GRM1: variants seen among roughly 807,000 people sequenced by gnomAD.
GRM1 encodes the protein glutamate metabotropic receptor 1, also known as metabotropic glutamate receptor 1.
Under a neutral mutation model 90.9 loss-of-function variants are expected in GRM1, and 33 were observed. The ratio of observed to expected loss-of-function variants is 0.36; its 90% CI spans 0.28 to 0.49. The LOEUF (loss-of-function observed/expected upper bound fraction) is 0.49. GRM1 is among the 20% of genes least tolerant of loss of function. The pLI, the probability that GRM1 is intolerant of heterozygous loss-of-function variation, is 0.99. For missense variants in GRM1, 1,190 were observed against 1,534.3 expected (o/e 0.78, Z 3.75); for synonymous variants, 700 against 613.2 (o/e 1.14, Z -2.09).
intron 1 of GRM1, among the ~76,000 whole-genome samples, chr6:146,061,360 G>C (rs1328505927): frequency 6.6e-6 from 1 of 152,076 alleles, no homozygotes; most frequent in Non-Finnish European, 1.5e-5. Context: ...CCTTCAATTT[G>C]TAAAAATGCA....
chr6:146,170,231 CT>C (rs1778061083), intron 2 of GRM1, among the ~76,000 whole-genome samples: 1 of 151,914 alleles, frequency 6.6e-6, no homozygotes, highest in Non-Finnish European at 1.5e-5. Context: ...ACCATTTTTA[CT>C]ATGCTGAGCC....
At chr6:146,077,216 C>T (rs1346391345) in intron 1 of GRM1, among the ~76,000 whole-genome samples, 19 of 152,144 alleles carry the variant, frequency 1.2e-4, no homozygotes, top group Non-Finnish European at 1.6e-4. Flanking sequence ...ACTTGAAGAC[C>T]ACTGTGAATT....
intron 1 of GRM1, among the ~76,000 whole-genome samples, chr6:146,129,862 C>G (rs561625413): frequency 6.6e-6 from 1 of 152,176 alleles, no homozygotes; most frequent in South Asian, 2.1e-4. Flanking sequence ...ATGGTGTGTC[C>G]TGAGCCTGGA....
At chr6:146,065,433 G>A (rs1775812977) in intron 1 of GRM1, among the ~76,000 whole-genome samples, 1 of 152,118 alleles carries the variant, frequency 6.6e-6, no homozygotes, top group African/African-American at 2.4e-5. Flanking sequence ...GAACTTCTCT[G>A]TGCTTCCGTT....
intron 2 of GRM1, among the ~76,000 whole-genome samples, chr6:146,179,275 A>G (rs778310210): frequency 2.0e-5 from 3 of 152,192 alleles, no homozygotes; most frequent in Admixed American, 6.5e-5. Context: ...CCCCCGCTGG[A>G]AAAGATAAAG....
chr6:146,154,584 G>C (rs1287248627), intron 1 of GRM1, among the ~76,000 whole-genome samples: 1 of 152,122 alleles, frequency 6.6e-6, no homozygotes, highest in Non-Finnish European at 1.5e-5. Context: ...ATCATTTAAT[G>C]TTATGAAAAA....
intron 3 of GRM1, among the ~76,000 whole-genome samples, chr6:146,349,845 T>C (rs1386060907): frequency 6.6e-6 from 1 of 152,214 alleles, no homozygotes; most frequent in Non-Finnish European, 1.5e-5. Flanking sequence ...TATATACATA[T>C]GTATACATCT....
intron 7 of GRM1, among the ~76,000 whole-genome samples, chr6:146,418,454 A>G (rs12190176): frequency 0.27 from 40,515 of 151,610 alleles, 6,548 homozygotes; most frequent in Non-Finnish European, 0.36. Flanking sequence ...AATATTAATT[A>G]CTTCCAATTA....
intron 2 of GRM1, among the ~76,000 whole-genome samples, chr6:146,300,186 A>T (rs968162309): frequency 2.0e-4 from 31 of 152,220 alleles, no homozygotes; most frequent in Non-Finnish European, 4.3e-4. Flanking sequence ...TAACACAAAT[A>T]AAATTGCTTT....
intron 3 of GRM1, among the ~76,000 whole-genome samples, chr6:146,324,438 A>G (rs1349750579): frequency 6.6e-6 from 1 of 152,018 alleles, no homozygotes; most frequent in Non-Finnish European, 1.5e-5. Flanking sequence ...TCCACTGGGG[A>G]AAAAAAATAA....
intron 4 of GRM1, among the ~76,000 whole-genome samples, chr6:146,356,795 A>G (rs2115052155): frequency 6.6e-6 from 1 of 152,276 alleles, no homozygotes; most frequent in African/African-American, 2.4e-5. Context: ...GTCCTATACC[A>G]TATACATATA....
chr6:146,050,854 G>T (rs1791499164), intron 1 of GRM1, among the ~76,000 whole-genome samples: 2 of 152,006 alleles, frequency 1.3e-5, no homozygotes, highest in South Asian at 4.1e-4. Context: ...AGGCTCATTT[G>T]ATTGGACCAA....
At chr6:146,402,299 C>T (rs77469093) in intron 7 of GRM1, among the ~76,000 whole-genome samples, 1,614 of 152,242 alleles carry the variant, frequency 0.011, 35 homozygotes, top group African/African-American at 0.037. Flanking sequence ...TAACCTTCTA[C>T]GGAAAACAAT....
intron 7 of GRM1, among the ~76,000 whole-genome samples, chr6:146,406,008 A>G (rs912036980): frequency 1.1e-4 from 16 of 152,234 alleles, no homozygotes; most frequent in Admixed American, 8.5e-4. Flanking sequence ...GGAGTTTGGC[A>G]TTAAAAGAAG....
At chr6:146,413,616 C>A (rs1358920082) in intron 7 of GRM1, among the ~76,000 whole-genome samples, 1 of 152,074 alleles carries the variant, frequency 6.6e-6, no homozygotes, top group African/African-American at 2.4e-5. Flanking sequence ...ATATTAATGA[C>A]AGTTTGATAT....
intron 4 of GRM1, among the ~76,000 whole-genome samples, chr6:146,354,996 G>A (rs541436801): frequency 6.6e-6 from 1 of 152,142 alleles, no homozygotes; most frequent in South Asian, 2.1e-4. Flanking sequence ...TGCTAATGAA[G>A]TGTGAACTGA....
intron 2 of GRM1, among the ~76,000 whole-genome samples, chr6:146,199,816 G>A (rs1779242132): frequency 6.6e-6 from 1 of 152,156 alleles, no homozygotes; most frequent in South Asian, 2.1e-4. Context: ...TCAGGAGTTT[G>A]AGACCATCCT....
At chr6:146,315,048 C>G (rs1304888467) in intron 3 of GRM1, among the ~76,000 whole-genome samples, 1 of 152,130 alleles carries the variant, frequency 6.6e-6, no homozygotes, top group African/African-American at 2.4e-5. Flanking sequence ...GTATAGTTCC[C>G]ATGTCTCTAG....
chr6:146,321,591 T>C (rs1784191722), intron 3 of GRM1, among the ~76,000 whole-genome samples: 1 of 152,104 alleles, frequency 6.6e-6, no homozygotes, highest in African/African-American at 2.4e-5. Flanking sequence ...ACTATTATTA[T>C]GTGGGAGTCT....
Sources: gnomAD v4.1 joint callset for allele counts (sites outside exome capture counted in the v4.1 genomes callset) on GRCh38, gnomAD v4.1.1 for gene constraint, MANE v1.5 for transcripts, NCBI Gene and HGNC (gene_info 2026-07-23, HGNC 2026-07-21) for gene names.